UBE2K: variants seen among roughly 807,000 people sequenced by gnomAD.
UBE2K encodes ubiquitin-conjugating enzyme E2 K.
In UBE2K, 6 loss-of-function variants were observed where a neutral mutation model predicts 30.0. The ratio of observed to expected loss-of-function variants is 0.20; its 90% CI spans 0.11 to 0.39. The LOEUF (loss-of-function observed/expected upper bound fraction) is 0.39, where lower values mean the gene tolerates loss of function less well. Among genes scored for constraint, UBE2K ranks in the 10% least tolerant of loss-of-function variants. UBE2K has a pLI of 1.00. For synonymous variants in UBE2K, 86 were observed against 83.7 expected (o/e 1.03, Z -0.15); for missense variants, 61 against 241.6 (o/e 0.25, Z 4.96).
At chr4:39,728,827 G>GTTTTTTTTTT (rs372834149) in intron 1 of UBE2K, among the ~76,000 whole-genome samples, 3 of 128,670 alleles carry the variant, frequency 2.3e-5, no homozygotes, top group Admixed American at 7.8e-5. Flanking sequence ...TGTTTTTTTT[G>GTTTTTTTTTT]TTTTTTTTTT....
At chr4:39,731,321 C>A (rs1720063489) in intron 1 of UBE2K, among the ~76,000 whole-genome samples, 1 of 152,092 alleles carries the variant, frequency 6.6e-6, no homozygotes, top group African/African-American at 2.4e-5. Flanking sequence ...TCTCCATGGC[C>A]TCAGTTTTTC....
chr4:39,699,554 C>T (rs1239101178), intron 1 of UBE2K, among the ~76,000 whole-genome samples: 3 of 152,028 alleles, frequency 2.0e-5, no homozygotes, highest in South Asian at 2.1e-4. Flanking sequence ...ATACCAAGAT[C>T]AACAAGAATG....
chr4:39,777,937 T>C (rs1014960346), intron 6 of UBE2K, 127 bp downstream of exon 6: 6 of 873,280 alleles, frequency 6.9e-6, no homozygotes, highest in Non-Finnish European at 6.4e-6. Context: ...GCGAAACCCA[T>C]CTCTACAAAA....
chr4:39,765,612 G>A (rs1331518042), intron 4 of UBE2K, among the ~76,000 whole-genome samples: 1 of 151,850 alleles, frequency 6.6e-6, no homozygotes, highest in Non-Finnish European at 1.5e-5. Context: ...CTGAGGTCAG[G>A]AGTTCCAGAC....
chr4:39,743,733 A>G (rs565743774), intron 2 of UBE2K, among the ~76,000 whole-genome samples: 1 of 152,300 alleles, frequency 6.6e-6, no homozygotes, highest in Admixed American at 6.5e-5. Context: ...ATAAATAAAT[A>G]TTTCAATAGA....
Position 39,782,116 on chromosome 4 carries a change from A to G in UBE2K, c.*3682A>G, listed in dbSNP as rs987489792. The G allele has an allele frequency of 2.5e-6, 1 of 394,610 alleles. No homozygotes were observed. The highest frequency in any genetic ancestry group is 4.5e-6 in the Non-Finnish European group (1 of 223,844). 24.4% of individuals were successfully genotyped at this position (394,610 alleles called of 1,614,324 possible). A position where few individuals can be genotyped will look rare whatever the true frequency, so the allele number is the denominator to read the frequency against. On this transcript the variant is annotated 3_prime_UTR_variant, in exon 7 of 7. Coordinates refer to ENST00000261427, the MANE Select transcript of UBE2K (RefSeq NM_005339.5). ...TGCTTCATTGGACTGATACACCCTC[A>G]TGAACTTGCAATCACCTAAATGGAA... is the stretch of plus-strand genomic sequence containing the variant.
chr4:39,771,144 C>A (rs971284981), intron 4 of UBE2K: 1 of 1,612,484 alleles, frequency 6.2e-7, no homozygotes, highest in South Asian at 1.1e-5. Flanking sequence ...TGACGATGTC[C>A]CTAACAGCGA....
chr4:39,714,916 A>G (rs537381318), intron 1 of UBE2K, among the ~76,000 whole-genome samples: 10 of 151,562 alleles, frequency 6.6e-5, no homozygotes, highest in Middle Eastern at 3.4e-3. Context: ...CAATGGTGCA[A>G]TGATGACTCT....
intron 2 of UBE2K, among the ~76,000 whole-genome samples, chr4:39,745,179 C>T (rs1720928686): frequency 6.6e-6 from 1 of 152,084 alleles, no homozygotes; most frequent in Non-Finnish European, 1.5e-5. Flanking sequence ...TTTTATTAGG[C>T]TAGTGCAAAA....
intron 1 of UBE2K, among the ~76,000 whole-genome samples, chr4:39,699,812 G>A (rs915851517): frequency 6.6e-6 from 1 of 152,092 alleles, no homozygotes; most frequent in African/African-American, 2.4e-5. Flanking sequence ...ATAAGTCATG[G>A]TCGGTTTTAC....
chr4:39,712,195 C>CTTTTT (rs34711359), intron 1 of UBE2K, among the ~76,000 whole-genome samples: 7 of 58,310 alleles, frequency 1.2e-4, no homozygotes, highest in Admixed American at 3.0e-4. Flanking sequence ...CACCGACAAC[C>CTTTTT]TTTTTTTTTT....
At chr4:39,748,552 G>C (rs1721095167) in intron 3 of UBE2K, among the ~76,000 whole-genome samples, 1 of 151,900 alleles carries the variant, frequency 6.6e-6, no homozygotes, top group African/African-American at 2.4e-5. Context: ...AGTCAAGGCA[G>C]GAGAAGCGTT....
chr4:39,771,374 T>A lies in UBE2K; in HGVS notation c.300-3460T>A. 1.9e-6 allele frequency: 3 copies of A among 1,612,762 alleles called. No homozygotes were observed. In the South Asian group the frequency reaches 3.3e-5, roughly 18 times the overall value. On this transcript the variant is annotated intron_variant, in intron 4 of 6. Coordinates refer to ENST00000261427, the MANE Select transcript of UBE2K (RefSeq NM_005339.5). ...TCCTCTGCCCGGAGCTTGTTCATGT[T>A]CCGTAGCGTAGCGGCCTAGTGGCCG...
At chr4:39,775,802 A>G (rs1338226334) in intron 5 of UBE2K, among the ~76,000 whole-genome samples, 1 of 148,828 alleles carries the variant, frequency 6.7e-6, no homozygotes, top group Non-Finnish European at 1.5e-5. Flanking sequence ...TATAATGGAC[A>G]TTTTTTTTTT....
At chr4:39,702,106 C>T (rs539715016) in intron 1 of UBE2K, among the ~76,000 whole-genome samples, 8 of 152,060 alleles carry the variant, frequency 5.3e-5, no homozygotes, top group African/African-American at 1.7e-4. Context: ...AAATTTGAAA[C>T]TTAATGAAAT....
At position 39,782,117 on chromosome 4, in the gene UBE2K, T is replaced by C. The variant is rs926978609; in HGVS notation, c.*3683T>C. 16 of 394,886 alleles carry C rather than the reference T, an allele frequency of 4.1e-5. No homozygotes were observed. Among genetic ancestry groups the C allele is most frequent in the Non-Finnish European group, 5.8e-5 (13 of 223,998 alleles). The allele number at this position is 394,886 out of a possible 1,614,324, so 24.5% of individuals were successfully genotyped here. A position where few individuals can be genotyped will look rare whatever the true frequency, so the allele number is the denominator to read the frequency against. ...GCTTCATTGGACTGATACACCCTCA[T>C]GAACTTGCAATCACCTAAATGGAAG... On this transcript the variant is annotated 3_prime_UTR_variant, in exon 7 of 7. Coordinates refer to ENST00000261427, the MANE Select transcript of UBE2K (RefSeq NM_005339.5).
At chr4:39,751,698 C>T (rs956212194) in intron 3 of UBE2K, among the ~76,000 whole-genome samples, 15 of 151,714 alleles carry the variant, frequency 9.9e-5, no homozygotes, top group East Asian at 7.8e-4. Flanking sequence ...AAAGGCCACG[C>T]GCAGTGGCTC....
At chr4:39,719,377 A>G (rs1719295306) in intron 1 of UBE2K, among the ~76,000 whole-genome samples, 1 of 152,166 alleles carries the variant, frequency 6.6e-6, no homozygotes, top group Admixed American at 6.6e-5. Flanking sequence ...TACTCCTGGT[A>G]GATTAAACTC....
intron 1 of UBE2K, among the ~76,000 whole-genome samples, chr4:39,715,876 T>C (rs1719032921): frequency 6.6e-6 from 1 of 152,096 alleles, no homozygotes; most frequent in Non-Finnish European, 1.5e-5. Context: ...GACATTCTTC[T>C]GTATTTGGTT....
Sources: allele counts gnomAD v4.1 joint callset (sites outside exome capture counted in the v4.1 genomes callset), GRCh38; gene constraint gnomAD v4.1.1; transcripts MANE v1.5; gene names NCBI Gene and HGNC (gene_info 2026-07-23, HGNC 2026-07-21).